The following COL4A2 variants were observed in gnomAD, a reference collection of about 807,000 sequenced individuals.
COL4A2 encodes collagen alpha-2(IV) chain.
A neutral mutation model predicts 200.2 loss-of-function variants in COL4A2; 99 were observed. The ratio of observed to expected loss-of-function variants is 0.49; its 90% confidence interval spans 0.42 to 0.58. The LOEUF (loss-of-function observed/expected upper bound fraction) is 0.58, where lower values mean the gene tolerates loss of function less well. Among genes scored for constraint, COL4A2 ranks in the 20% least tolerant of loss-of-function variants. The probability of loss-of-function intolerance (pLI) is 0.00; values close to 1 mark genes in which losing one functional copy is unlikely to be tolerated. For missense variants in COL4A2, 1,950 were observed against 2,314.1 expected, an observed-to-expected ratio of 0.84 and a Z score of 3.23; for synonymous variants, 897 against 900.6, an observed-to-expected ratio of 1.00 and a Z score of 0.07.
chr13:110,393,603 G>A (rs1307687228), intron 4 of COL4A2, among the ~76,000 whole-genome samples: 1 of 151,680 alleles, frequency 6.6e-6, no homozygotes, highest in Non-Finnish European at 1.5e-5. Context: ...AAAAGGCCAG[G>A]CCCGGTGGCT....
chr13:110,446,996 A>AT (rs1273057442), intron 18 of COL4A2, 132 bp downstream of exon 18: 14 of 560,118 alleles, frequency 2.5e-5, no homozygotes, highest in Middle Eastern at 5.0e-4. Flanking sequence ...AATAATAAAA[A>AT]AAATAAAAAA....
rs1566566884 is a variant in COL4A2, at chr13:110,495,408, CCAA to C, written c.3704_3706del (p.Asn1235del). ...GGGGAAAGAGGTGACCCAGGAGAGG[CCAA>C]CACCCTTCCAGGCCCTGTGGGAGTC... On this transcript the variant is annotated inframe_deletion, in exon 40 of 48. Coordinates refer to ENST00000360467, the MANE Select transcript of COL4A2 (RefSeq NM_001846.4). The C allele has an allele frequency of 6.2e-7, 1 of 1,614,084 alleles. No homozygotes were observed. Among genetic ancestry groups the C allele is most frequent in the South Asian group, 1.1e-5 (1 of 91,076 alleles).
intron 3 of COL4A2, among the ~76,000 whole-genome samples, chr13:110,319,583 C>T (rs531281278): frequency 9.8e-5 from 15 of 152,286 alleles, no homozygotes; most frequent in African/African-American, 3.1e-4. Context: ...CTAGCCCGTA[C>T]CCTCCAACAG....
chr13:110,329,795 A>G (rs1319534809), intron 3 of COL4A2, among the ~76,000 whole-genome samples: 1 of 152,146 alleles, frequency 6.6e-6, no homozygotes, highest in Non-Finnish European at 1.5e-5. Flanking sequence ...CACCCCATGA[A>G]AGAGACAGAG....
chr13:110,363,092 G>A (rs1349462059), intron 4 of COL4A2, among the ~76,000 whole-genome samples: 1 of 152,184 alleles, frequency 6.6e-6, no homozygotes, highest in African/African-American at 2.4e-5. Flanking sequence ...GAATTAGTGA[G>A]ATGGTCAAAT....
At chr13:110,489,108 C>T (rs1883200628) in intron 34 of COL4A2, among the ~76,000 whole-genome samples, 1 of 152,148 alleles carries the variant, frequency 6.6e-6, no homozygotes, top group African/African-American at 2.4e-5. Context: ...TAGTGGCTCA[C>T]ACCTGTAATC....
intron 4 of COL4A2, among the ~76,000 whole-genome samples, chr13:110,372,840 C>G (rs1196768193): frequency 6.6e-6 from 1 of 152,094 alleles, no homozygotes; most frequent in African/African-American, 2.4e-5. Flanking sequence ...TGTTGTTTGT[C>G]TTTTGTTTGT....
At position 110,466,385 on chromosome 13, in the gene COL4A2, G is replaced by A. The variant is rs148740771; in HGVS notation, c.2038+323G>A. ...AGAGGAGGCTGAGCCCAGCCCAGACGGTGGCGAGGATGTCAGGCCAAGATG... is the reference window on the plus strand; with the variant it reads ...AGAGGAGGCTGAGCCCAGCCCAGACAGTGGCGAGGATGTCAGGCCAAGATG... On this transcript the variant is annotated intron_variant, in intron 26 of 47. Coordinates refer to ENST00000360467, the MANE Select transcript of COL4A2 (RefSeq NM_001846.4). 3.4e-3 allele frequency among the ~76,000 whole-genome samples: 522 copies of A among 152,288 alleles called. 4 individuals carry two copies. Among genetic ancestry groups the A allele is most frequent in the Non-Finnish European group, 5.6e-3 (380 of 68,020 alleles).
intron 20 of COL4A2, among the ~76,000 whole-genome samples, chr13:110,451,838 A>T (rs1411025849): frequency 6.6e-6 from 1 of 152,214 alleles, no homozygotes; most frequent in Non-Finnish European, 1.5e-5. Context: ...AGAAGGCAAA[A>T]AATTGGACAC....
chr13:110,461,901 C>G, intron 22 of COL4A2: 1 of 631,364 alleles, frequency 1.6e-6, no homozygotes, highest in Non-Finnish European at 2.7e-6. Flanking sequence ...ATCCGCAGTT[C>G]CAGTGCTCCA....
At position 110,511,946 on chromosome 13, in the gene COL4A2, G is replaced by T; in HGVS notation, c.4894G>T (p.Gly1632Ter). 1 of 1,613,514 alleles carries T rather than the reference G, an allele frequency of 6.2e-7. No homozygotes were observed. The highest frequency in any genetic ancestry group is 8.5e-7 in the Non-Finnish European group (1 of 1,180,016). ...GYSFLMHTAA[G>*]DEGGGQSLVS... ...CCTCTCTGTGCAGCACACGGCGGCG[G>T]GAGACGAAGGCGGTGGCCAATCACT... The change falls in exon 48 of 48, where the codon GGA becomes TGA. Residue 1632 changes from glycine to a stop codon, truncating the protein, a stop_gained. Transcript: ENST00000360467. LOFTEE classifies it high-confidence loss of function.
chr13:110,452,756 T>TTTTA (rs1555329846), intron 20 of COL4A2, among the ~76,000 whole-genome samples: 19 of 151,234 alleles, frequency 1.3e-4, no homozygotes, highest in African/African-American at 3.2e-4. Context: ...GAACTTTATT[T>TTTTA]TTTTATTTTA....
intron 29 of COL4A2, among the ~76,000 whole-genome samples, chr13:110,476,061 C>G (rs1390585547): frequency 6.6e-6 from 1 of 152,234 alleles, no homozygotes; most frequent in Non-Finnish European, 1.5e-5. Flanking sequence ...CACGCCCAGA[C>G]TGTCTCCAGC....
At chr13:110,477,814 T>C in intron 29 of COL4A2, 189 bp from the exon 30 acceptor site, 1 of 454,146 alleles carries the variant, frequency 2.2e-6, no homozygotes, top group East Asian at 3.5e-5. Context: ...CCAGTGGTAG[T>C]CATTACCGCT....
chr13:110,380,827 G>GGGT (rs1878445601), intron 4 of COL4A2, among the ~76,000 whole-genome samples: 1 of 150,084 alleles, frequency 6.7e-6, no homozygotes, highest in African/African-American at 2.5e-5. Context: ...ACACCCACGT[G>GGGT]CTCTATCTCA....
At chr13:110,459,029 C>A in intron 22 of COL4A2, 95 bp downstream of exon 22, 1 of 1,279,878 alleles carries the variant, frequency 7.8e-7, no homozygotes, top group Non-Finnish European at 1.1e-6. Flanking sequence ...TACACAGCTT[C>A]AGACCGGCAA....
chr13:110,449,138 A>G (rs1881437873), intron 18 of COL4A2, among the ~76,000 whole-genome samples: 1 of 152,254 alleles, frequency 6.6e-6, no homozygotes, highest in Admixed American at 6.5e-5. Context: ...CCTACATGAT[A>G]AAAAGTCCTA....
chr13:110,472,490 G>A (rs150347371), intron 28 of COL4A2, among the ~76,000 whole-genome samples: 1 of 152,190 alleles, frequency 6.6e-6, no homozygotes, highest in African/African-American at 2.4e-5. Flanking sequence ...GAGATGTTAC[G>A]GCAGGCAGCG....
chr13:110,445,916 G>A (rs778440449), intron 17 of COL4A2, 34 bp downstream of exon 17: 1 of 1,613,178 alleles, frequency 6.2e-7, no homozygotes, highest in South Asian at 1.1e-5. Flanking sequence ...GCCACTTATG[G>A]TGTCTCGCCC....
Sources: allele counts gnomAD v4.1 joint callset (sites outside exome capture counted in the v4.1 genomes callset), GRCh38; gene constraint gnomAD v4.1.1; transcripts MANE v1.5; gene names NCBI Gene and HGNC (gene_info 2026-07-23, HGNC 2026-07-21).